The following SGCG variants were observed in gnomAD, a reference collection of about 807,000 sequenced individuals.
The protein encoded by SGCG is sarcoglycan gamma, also known as gamma-sarcoglycan.
In SGCG, 26 loss-of-function variants were observed where a neutral mutation model predicts 29.3. The ratio of observed to expected loss-of-function variants is 0.89; its 90% CI spans 0.65 to 1.23. The LOEUF (loss-of-function observed/expected upper bound fraction) is 1.23, where lower values mean the gene tolerates loss of function less well. Ranked by LOEUF, SGCG falls within the 50% of genes most tolerant of loss-of-function variation. The probability of loss-of-function intolerance (pLI) is 0.00; values close to 1 mark genes in which losing one functional copy is unlikely to be tolerated. For synonymous variants in SGCG, 145 were observed against 129.7 expected (o/e 1.12, Z -0.80); for missense variants, 353 against 356.0 (o/e 0.99, Z 0.07).
At chr13:23,276,072 G>A (rs1881055852) in intron 4 of SGCG, among the ~76,000 whole-genome samples, 2 of 151,942 alleles carry the variant, frequency 1.3e-5, no homozygotes. Flanking sequence ...AAATGGTGCT[G>A]TACAGATAGC....
At chr13:23,225,219 A>G (rs1474024056) in intron 2 of SGCG, among the ~76,000 whole-genome samples, 2 of 152,130 alleles carry the variant, frequency 1.3e-5, no homozygotes, top group African/African-American at 4.8e-5. Context: ...TAACACCCAA[A>G]TGTTACCTTC....
the SGCG span, among the ~76,000 whole-genome samples, chr13:23,172,787 A>G: frequency 6.6e-6 from 1 of 152,224 alleles, no homozygotes; most frequent in Admixed American, 6.5e-5. Flanking sequence ...TAGACAAGGA[A>G]CAGTCACAGA....
Position 23,200,194 on chromosome 13 carries a change from G to A in SGCG, c.1-3501G>A, listed in dbSNP as rs140517497. ...TCCCAGCACTTTGGGAGGCCGAAGC[G>A]AGTGGATTACCTGAGGTCAGGAGTT... On this transcript the variant is annotated intron_variant, in intron 1 of 7. Coordinates refer to ENST00000218867, the MANE Select transcript of SGCG (RefSeq NM_000231.3). 3.2e-3 allele frequency among the ~76,000 whole-genome samples: 488 copies of A among 152,246 alleles called. 1 individual carries two copies. Among genetic ancestry groups the A allele is most frequent in the Non-Finnish European group, 5.6e-3 (379 of 68,016 alleles).
upstream of SGCG, among the ~76,000 whole-genome samples, chr13:23,178,089 A>T (rs564076884): frequency 6.6e-5 from 10 of 152,228 alleles, 1 homozygote; most frequent in East Asian, 1.5e-3. Flanking sequence ...AGGCTTGATG[A>T]AGGGCTTTAG....
chr13:23,188,293 A>C (rs1267624577), intron 1 of SGCG, among the ~76,000 whole-genome samples: 1 of 145,854 alleles, frequency 6.9e-6, no homozygotes, highest in African/African-American at 2.5e-5. Context: ...CACCGTCTGA[A>C]CACATCTTTT....
chr13:23,202,719 A>T (rs1877814246), intron 1 of SGCG, among the ~76,000 whole-genome samples: 1 of 152,132 alleles, frequency 6.6e-6, no homozygotes, highest in Non-Finnish European at 1.5e-5. Context: ...TTGGAAGGAG[A>T]TTTAAAGATT....
At chr13:23,203,077 A>G (rs891019210) in intron 1 of SGCG, among the ~76,000 whole-genome samples, 5 of 152,000 alleles carry the variant, frequency 3.3e-5, no homozygotes, top group East Asian at 3.9e-4. Context: ...CTCCTGCCTC[A>G]GTCTCCTGAA....
At chr13:23,204,272 T>C (rs992627159) in intron 2 of SGCG, among the ~76,000 whole-genome samples, 4 of 152,212 alleles carry the variant, frequency 2.6e-5, no homozygotes, top group Admixed American at 2.6e-4. Flanking sequence ...ATGACACTCA[T>C]TTAAAAACTT....
the SGCG span, among the ~76,000 whole-genome samples, chr13:23,169,077 T>C: frequency 6.6e-6 from 1 of 151,656 alleles, no homozygotes; most frequent in Non-Finnish European, 1.5e-5. Context: ...AATTTAGAAC[T>C]GTCATCTGAA....
chr13:23,308,284 A>G (rs1882430165), intron 6 of SGCG, among the ~76,000 whole-genome samples: 1 of 152,184 alleles, frequency 6.6e-6, no homozygotes, highest in Admixed American at 6.5e-5. Context: ...GTTATTTTTC[A>G]TGTGGATGTG....
chr13:23,320,339 C>T (rs1882986223), intron 6 of SGCG, among the ~76,000 whole-genome samples: 1 of 152,102 alleles, frequency 6.6e-6, no homozygotes. Context: ...AAATAGTATG[C>T]CAGAGTACTT....
intron 4 of SGCG, among the ~76,000 whole-genome samples, chr13:23,269,407 G>A (rs774578689): frequency 1.2e-4 from 19 of 152,256 alleles, no homozygotes; most frequent in Non-Finnish European, 2.2e-4. Context: ...ACTCAGATCT[G>A]AACAAAAAGA....
chr13:23,229,512 T>C (rs1017137264), intron 2 of SGCG, among the ~76,000 whole-genome samples: 5 of 152,250 alleles, frequency 3.3e-5, no homozygotes, highest in Non-Finnish European at 7.3e-5. Flanking sequence ...TGTGAGATTG[T>C]AGCTCATTGT....
chr13:23,213,692 A>G (rs1023451764), intron 2 of SGCG, among the ~76,000 whole-genome samples: 5 of 152,312 alleles, frequency 3.3e-5, no homozygotes, highest in African/African-American at 1.2e-4. Context: ...TAAAAAACTT[A>G]CTGTGATAGT....
At chr13:23,184,160 G>A (rs1388442085) in intron 1 of SGCG, among the ~76,000 whole-genome samples, 1 of 152,168 alleles carries the variant, frequency 6.6e-6, no homozygotes, top group African/African-American at 2.4e-5. Context: ...CTTTTTAAAT[G>A]AACTGCCAGG....
At chr13:23,165,981 T>C in the SGCG span, among the ~76,000 whole-genome samples, 2 of 152,324 alleles carry the variant, frequency 1.3e-5, no homozygotes, top group Admixed American at 1.3e-4. Flanking sequence ...AATCTTGTCA[T>C]TTGTGAACAC....
intron 1 of SGCG, among the ~76,000 whole-genome samples, chr13:23,191,441 A>G (rs1202585512): frequency 6.6e-6 from 1 of 152,212 alleles, no homozygotes; most frequent in Non-Finnish European, 1.5e-5. Context: ...TCCATGGACC[A>G]CTGCTTGGCC....
At chr13:23,219,920 C>T (rs1178224971) in intron 2 of SGCG, among the ~76,000 whole-genome samples, 1 of 148,824 alleles carries the variant, frequency 6.7e-6, no homozygotes, top group Non-Finnish European at 1.5e-5. Flanking sequence ...ACTGCAAGCT[C>T]CGCCTTCTGG....
intron 4 of SGCG, among the ~76,000 whole-genome samples, chr13:23,260,383 C>A (rs1452493348): frequency 6.6e-6 from 1 of 151,878 alleles, no homozygotes. Context: ...TTTTATTTTG[C>A]TTTCCATTTG....
Sources: gnomAD v4.1 joint callset for allele counts (sites outside exome capture counted in the v4.1 genomes callset) on GRCh38, gnomAD v4.1.1 for gene constraint, MANE v1.5 for transcripts, NCBI Gene and HGNC (gene_info 2026-07-23, HGNC 2026-07-21) for gene names.